VPS8: variants seen among roughly 807,000 people sequenced by gnomAD.
VPS8 encodes the protein vacuolar protein sorting-associated protein 8 homolog.
In VPS8, 129 loss-of-function variants were observed where a neutral mutation model predicts 216.4. That is an observed-to-expected ratio of 0.60 (90% CI 0.52 to 0.69). VPS8 has a LOEUF of 0.69. Ranked by LOEUF, VPS8 falls within the 30% of genes least tolerant of loss-of-function variation. VPS8 has a pLI of 0.00. For synonymous variants in VPS8, 571 were observed against 565.4 expected (o/e 1.01, Z -0.14); for missense variants, 1,531 against 1,683.5 (o/e 0.91, Z 1.59).
At chr3:184,974,341 A>G (rs932660792) in intron 40 of VPS8, among the ~76,000 whole-genome samples, 8 of 152,024 alleles carry the variant, frequency 5.3e-5, no homozygotes, top group Admixed American at 2.0e-4. Context: ...GGCCATTTGT[A>G]TGGCTGACAT....
intron 45 of VPS8, among the ~76,000 whole-genome samples, chr3:185,022,108 TAGTG>T (rs1756749323): frequency 6.6e-6 from 1 of 152,174 alleles, no homozygotes; most frequent in Non-Finnish European, 1.5e-5. Context: ...GTTCTTGTGA[TAGTG>T]AGTGAGCTCT....
intron 42 of VPS8, among the ~76,000 whole-genome samples, chr3:184,990,381 C>T (rs1453830506): frequency 6.6e-6 from 1 of 152,154 alleles, no homozygotes; most frequent in Admixed American, 6.5e-5. Context: ...AAGCAGAGAT[C>T]GTGTCTCCCT....
intron 22 of VPS8, chr3:184,893,236 C>G: frequency 7.8e-7 from 1 of 1,281,316 alleles, no homozygotes; most frequent in Non-Finnish European, 1.0e-6. Context: ...CCTTCCAGGA[C>G]TTCAGATGAG....
At chr3:185,002,519 T>C (rs1434961319) in intron 45 of VPS8, among the ~76,000 whole-genome samples, 1 of 152,156 alleles carries the variant, frequency 6.6e-6, no homozygotes, top group Non-Finnish European at 1.5e-5. Flanking sequence ...TATTTAGTGG[T>C]GATTTCTGAG....
intron 46 of VPS8, among the ~76,000 whole-genome samples, chr3:185,030,747 T>C (rs1417771358): frequency 6.6e-6 from 1 of 152,184 alleles, no homozygotes; most frequent in Non-Finnish European, 1.5e-5. Flanking sequence ...AGGTACGTTA[T>C]AAGAATTTGG....
Position 184,842,186 on chromosome 3 carries a change from C to CAAAAAAAAAAAAA in VPS8, c.536-1043_536-1031dup, listed in dbSNP as rs71162267. On this transcript the variant is annotated intron_variant, in intron 7 of 47. Transcript: ENST00000625842. The stretch of plus-strand genomic sequence containing the variant: ...TGGGTGACAGAGCGAGACTCCGTCT[C>CAAAAAAAAAAAAA]AAAAAAAAAAAAAAAAAAAAAAAGA... Among the ~76,000 whole-genome samples the CAAAAAAAAAAAAA allele has an allele frequency of 1.5e-3, 74 of 48,962 alleles. 3 individuals carry two copies. The highest frequency in any genetic ancestry group is 9.5e-3 in the East Asian group (9 of 952). The allele number at this position is 48,962 out of a possible 152,430, so 32.1% of individuals were successfully genotyped here.
At chr3:185,039,679 A>G (rs149799603) in intron 46 of VPS8, among the ~76,000 whole-genome samples, 1 of 152,240 alleles carries the variant, frequency 6.6e-6, no homozygotes, top group South Asian at 2.1e-4. Context: ...GCAGGTGATT[A>G]GTAGAAGAAA....
intron 47 of VPS8, among the ~76,000 whole-genome samples, chr3:185,050,788 C>T (rs1322346529): frequency 6.6e-6 from 1 of 152,126 alleles, no homozygotes; most frequent in Non-Finnish European, 1.5e-5. Flanking sequence ...TCTGATGGCC[C>T]CCTCGTCTCA....
intron 36 of VPS8, among the ~76,000 whole-genome samples, chr3:184,946,705 G>A (rs912363657): frequency 3.9e-5 from 6 of 151,964 alleles, no homozygotes; most frequent in Admixed American, 3.9e-4. Flanking sequence ...GCTGACCTAC[G>A]TGTTCATCAG....
At chr3:184,891,315 G>A (rs1177863331) in intron 22 of VPS8, among the ~76,000 whole-genome samples, 1 of 152,062 alleles carries the variant, frequency 6.6e-6, no homozygotes, top group African/African-American at 2.4e-5. Context: ...CACTCATGTT[G>A]TTCAACATCA....
chr3:184,947,699 T>G (rs190417257), intron 36 of VPS8, among the ~76,000 whole-genome samples: 1 of 152,326 alleles, frequency 6.6e-6, no homozygotes, highest in East Asian at 1.9e-4. Flanking sequence ...CTGAGAAGAT[T>G]TTTATATTTG....
intron 28 of VPS8, among the ~76,000 whole-genome samples, chr3:184,916,929 A>G (rs1737696224): frequency 6.6e-6 from 1 of 152,204 alleles, no homozygotes; most frequent in African/African-American, 2.4e-5. Flanking sequence ...TGGTTGACAA[A>G]TATTTGAGTG....
intron 3 of VPS8, among the ~76,000 whole-genome samples, chr3:184,828,127 TTTTGTTTGTTTTTGTTTG>T (rs1214541052): frequency 2.0e-5 from 3 of 152,090 alleles, no homozygotes; most frequent in Non-Finnish European, 4.4e-5. Flanking sequence ...CATCCACTTT[TTTTGTTTGTTTTTGTTTG>T]TTTGTTTGTT....
At chr3:185,006,045 G>T (rs1430460877) in intron 45 of VPS8, among the ~76,000 whole-genome samples, 2 of 152,208 alleles carry the variant, frequency 1.3e-5, no homozygotes, top group African/African-American at 2.4e-5. Flanking sequence ...ATCCCATTCT[G>T]CAGGACAGGA....
At chr3:184,999,063 GTT>G (rs112921901) in intron 44 of VPS8, among the ~76,000 whole-genome samples, 1 of 143,238 alleles carries the variant, frequency 7.0e-6, no homozygotes, top group Non-Finnish European at 1.5e-5. Context: ...TTGGTTTTTG[GTT>G]TTTTTTTTTG....
intron 29 of VPS8, chr3:184,922,378 T>G: frequency 2.2e-6 from 1 of 451,008 alleles, no homozygotes; most frequent in Non-Finnish European, 4.4e-6. Flanking sequence ...GTAGAGACTG[T>G]GAGGATTATT....
chr3:184,864,946 T>C (rs1338897949), intron 16 of VPS8, among the ~76,000 whole-genome samples: 1 of 152,170 alleles, frequency 6.6e-6, no homozygotes, highest in Non-Finnish European at 1.5e-5. Context: ...CTATACTCTT[T>C]AGTTAAAAAA....
At chr3:185,003,682 C>T (rs1027319868) in intron 45 of VPS8, among the ~76,000 whole-genome samples, 6 of 152,052 alleles carry the variant, frequency 3.9e-5, no homozygotes, top group Non-Finnish European at 8.8e-5. Context: ...ACCTCCCAGA[C>T]GGTGTGGTGG....
chr3:184,874,697 G>A (rs1728937879), intron 21 of VPS8, among the ~76,000 whole-genome samples: 1 of 152,098 alleles, frequency 6.6e-6, no homozygotes, highest in Non-Finnish European at 1.5e-5. Context: ...CTACTGGGCT[G>A]CCTGTTTGAA....
Sources: gnomAD v4.1 joint callset for allele counts (sites outside exome capture counted in the v4.1 genomes callset) on GRCh38, gnomAD v4.1.1 for gene constraint, MANE v1.5 for transcripts, NCBI Gene and HGNC (gene_info 2026-07-23, HGNC 2026-07-21) for gene names.